POLQ: variants seen among roughly 807,000 people sequenced by gnomAD.
The protein encoded by POLQ is DNA polymerase theta, also known as epididymis secretory sperm binding protein.
POLQ carries 233 observed loss-of-function variants against 259.2 expected under a neutral mutation model. The observed-to-expected ratio is 0.90, with a 90% confidence interval of 0.81 to 1.00. The LOEUF (loss-of-function observed/expected upper bound fraction) is 1.00, where lower values mean the gene tolerates loss of function less well. Among genes scored for constraint, POLQ ranks in the 50% least tolerant of loss-of-function variants. The pLI, the probability that POLQ is intolerant of heterozygous loss-of-function variation, is 0.00. For synonymous variants in POLQ, 1,025 were observed against 1,048.8 expected, an observed-to-expected ratio of 0.98 and a Z score of 0.44; for missense variants, 2,871 against 3,051.6, an observed-to-expected ratio of 0.94 and a Z score of 1.39.
intron 25 of POLQ, among the ~76,000 whole-genome samples, chr3:121,454,797 C>G (rs2047717159): frequency 2.0e-5 from 3 of 152,060 alleles, no homozygotes. Context: ...ACTTTAACAC[C>G]CCACTATCAA....
At chr3:121,521,956 A>T (rs573968852) in intron 8 of POLQ, 47 bp downstream of exon 8, 10 of 1,282,324 alleles carry the variant, frequency 7.8e-6, no homozygotes, top group Non-Finnish European at 9.7e-6. Flanking sequence ...TTAAGACAGT[A>T]TGAGGAATTT....
chr3:121,457,359 G>C (rs999263276), intron 25 of POLQ, among the ~76,000 whole-genome samples: 2 of 152,126 alleles, frequency 1.3e-5, no homozygotes, highest in Non-Finnish European at 2.9e-5. Flanking sequence ...AAAAGCAATG[G>C]CAACAAAAGC....
At position 121,519,996 on chromosome 3, in the gene POLQ, G is replaced by A. The variant is rs1560105607; in HGVS notation, c.1343C>T (p.Ser448Phe). 2 of 1,613,166 alleles carry A rather than the reference G, an allele frequency of 1.2e-6. No homozygotes were observed. Among genetic ancestry groups the A allele is most frequent in the South Asian group, 2.2e-5 (2 of 91,046 alleles). Residue 448 changes from serine to phenylalanine, a missense_variant, in exon 9 of 30, where the codon TCT (serine) becomes TTT (phenylalanine). Ser to Phe is a radical substitution (Grantham distance 155). Around this residue, in one of 3 missense-constraint regions of POLQ, gnomAD observed 783 missense variants for 906.2 expected, o/e 0.86. Transcript: ENST00000264233. Reference protein sequence around the residue: ...RVLAATSTLSSGVNLPARRVI... With the variant: ...RVLAATSTLSFGVNLPARRVI... The stretch of plus-strand genomic sequence containing the variant: ...ACGACGTGCAGGTAAATTCACCCCA[G>A]AAGAAAGAGTAGAAGTTGCCGCCAA...
chr3:121,443,406 T>C (rs2108775409), intron 26 of POLQ, among the ~76,000 whole-genome samples: 1 of 152,380 alleles, frequency 6.6e-6, no homozygotes, highest in Admixed American at 6.5e-5. Flanking sequence ...TATGTCTTTA[T>C]TTGAGAAATG....
chr3:121,528,808 C>T (rs1454041775), intron 7 of POLQ, among the ~76,000 whole-genome samples: 4 of 151,938 alleles, frequency 2.6e-5, no homozygotes, highest in Non-Finnish European at 5.9e-5. Flanking sequence ...AAAAATTAGC[C>T]GGGCATGATG....
intron 12 of POLQ, among the ~76,000 whole-genome samples, chr3:121,503,030 C>T (rs2048184344): frequency 6.6e-6 from 1 of 151,982 alleles, no homozygotes; most frequent in Admixed American, 6.6e-5. Context: ...TGGTCAATGA[C>T]AAACTGCATA....
intron 20 of POLQ, 37 bp from the exon 21 acceptor site, chr3:121,473,524 A>C (rs1482326373): frequency 6.4e-7 from 1 of 1,551,236 alleles, no homozygotes; most frequent in Non-Finnish European, 8.8e-7. Context: ...CAAGAATGAA[A>C]CTTGCAAGGA....
chr3:121,443,822 A>G (rs992899638), intron 26 of POLQ, among the ~76,000 whole-genome samples: 25 of 152,044 alleles, frequency 1.6e-4, no homozygotes, highest in African/African-American at 5.6e-4. Context: ...AGTTGTCCCA[A>G]CACCATTTAT....
At position 121,490,389 on chromosome 3, in the gene POLQ, C is replaced by T; in HGVS notation, c.2542G>A (p.Glu848Lys). Residue 848 changes from glutamate to lysine, a missense_variant, in exon 16 of 30, where the codon GAG becomes AAG. By Grantham distance (56) the Glu-to-Lys change is moderately conservative. Transcript: ENST00000264233. ...CGTTCTTCAACTGCTTCCTCTTCCTCATCCACTGCCTTCCGGGCACTACAC... is the reference window on the plus strand; with the variant it reads ...CGTTCTTCAACTGCTTCCTCTTCCTTATCCACTGCCTTCCGGGCACTACAC... ...PFKSARKAVD[E>K]EEEAVEERRN... 6 of 1,614,122 alleles carry T rather than the reference C, an allele frequency of 3.7e-6. No individual in the cohort carries two copies. The highest frequency in any genetic ancestry group is 5.1e-6 in the Non-Finnish European group (6 of 1,179,952).
At chr3:121,526,590 G>C (rs892967247) in intron 7 of POLQ, among the ~76,000 whole-genome samples, 1 of 151,650 alleles carries the variant, frequency 6.6e-6, no homozygotes, top group African/African-American at 2.4e-5. Flanking sequence ...TTTCTTAATG[G>C]TATCTTGGAA....
chr3:121,453,483 A>G (rs11707252), intron 25 of POLQ, among the ~76,000 whole-genome samples: 95,995 of 151,980 alleles, frequency 0.63, 30,709 homozygotes, highest in East Asian at 0.89. Flanking sequence ...AACAAGTTAA[A>G]AACTTAGAAT....
chr3:121,465,097 T>C (rs981963975), intron 24 of POLQ, among the ~76,000 whole-genome samples: 2 of 149,156 alleles, frequency 1.3e-5, no homozygotes, highest in African/African-American at 5.1e-5. Context: ...TTTCTTTTTT[T>C]TTTTTTTGAC....
chr3:121,490,449 A>AT, intron 15 of POLQ, 41 bp from the exon 16 acceptor site: 8 of 1,503,340 alleles, frequency 5.3e-6, no homozygotes, highest in Non-Finnish European at 7.4e-6. Flanking sequence ...GAATTCATTC[A>AT]TTCGTAAGGC....
intron 24 of POLQ, among the ~76,000 whole-genome samples, chr3:121,465,686 T>C (rs1215738105): frequency 6.6e-6 from 1 of 152,192 alleles, no homozygotes; most frequent in African/African-American, 2.4e-5. Context: ...ATCTTTGATA[T>C]TACTATTATT....
chr3:121,462,624 TA>T (rs1236494312), intron 24 of POLQ, among the ~76,000 whole-genome samples: 1 of 152,176 alleles, frequency 6.6e-6, no homozygotes, highest in East Asian at 1.9e-4. Flanking sequence ...TAAATATTAC[TA>T]AAGGAAGAAC....
chr3:121,439,116 A>G (rs556211020), intron 27 of POLQ, among the ~76,000 whole-genome samples: 1 of 152,376 alleles, frequency 6.6e-6, no homozygotes, highest in South Asian at 2.1e-4. Flanking sequence ...CAATGAATTC[A>G]GAAAGACACT....
At chr3:121,492,405 A>AGG (rs1283743553) in intron 15 of POLQ, among the ~76,000 whole-genome samples, 4 of 152,222 alleles carry the variant, frequency 2.6e-5, no homozygotes, top group African/African-American at 7.2e-5. Context: ...TTGGTTATTC[A>AGG]GACATACACA....
chr3:121,544,791 A>C lies in POLQ; in HGVS notation c.279T>G (p.Phe93Leu). 1 of 1,613,716 alleles carries C rather than the reference A, an allele frequency of 6.2e-7. No homozygotes were observed. Among genetic ancestry groups the C allele is most frequent in the Non-Finnish European group, 8.5e-7 (1 of 1,179,624 alleles). The change falls in exon 2 of 30, where the codon TTT becomes TTG. Residue 93 changes from phenylalanine (F) to leucine (L), a missense_variant. Phe to Leu is a conservative substitution (Grantham distance 22). Transcript: ENST00000264233. ...GCAAAAGGCACTCTGCCTGCCATTCAAACATCTTTTTTACACCAAAACTGT... is the reference window on the plus strand; with the variant it reads ...GCAAAAGGCACTCTGCCTGCCATTCCAACATCTTTTTTACACCAAAACTGT... The part of the protein sequence containing the change: ...KYHSFGVKKM[F>L]EWQAECLLLG...
At position 121,545,893 on chromosome 3, in the gene POLQ, G is replaced by A; in HGVS notation, c.-16C>T. On this transcript the variant is annotated 5_prime_UTR_variant, in exon 1 of 30. Coordinates refer to ENST00000264233, the MANE Select transcript of POLQ (RefSeq NM_199420.4). ...GAAGATTCATGGCAAACTCTTCTCG[G>A]CCGATCAGGGCAAGCCACAGTCCCA... 1.9e-6 allele frequency: 3 copies of A among 1,612,550 alleles called. No individual in the cohort carries two copies. The highest frequency in any genetic ancestry group is 2.2e-5 in the East Asian group (1 of 44,864).
Sources: gnomAD v4.1 joint callset for allele counts (sites outside exome capture counted in the v4.1 genomes callset) on GRCh38, gnomAD v4.1.1 for gene constraint, gnomAD v4.1.1 regional missense constraint, MANE v1.5 for transcripts, NCBI Gene and HGNC (gene_info 2026-07-23, HGNC 2026-07-21) for gene names.